The following CNNM2 variants were observed in gnomAD, a reference collection of about 807,000 sequenced individuals.
CNNM2 encodes cyclin and CBS domain divalent metal cation transport mediator 2, also known as metal transporter CNNM2.
A neutral mutation model predicts 66.9 loss-of-function variants in CNNM2; 12 were observed. The observed-to-expected ratio is 0.18, with a 90% CI of 0.11 to 0.29. The LOEUF is 0.29. Ranked by LOEUF, CNNM2 falls within the 10% of genes least tolerant of loss-of-function variation. The pLI, the probability that CNNM2 is intolerant of heterozygous loss-of-function variation, is 1.00. For missense variants in CNNM2, 705 were observed against 1,167.7 expected, an observed-to-expected ratio of 0.60 and a Z score of 5.77; for synonymous variants, 557 against 501.8, an observed-to-expected ratio of 1.11 and a Z score of -1.47.
At chr10:102,926,936 C>T (rs2134161477) in intron 1 of CNNM2, among the ~76,000 whole-genome samples, 1 of 152,020 alleles carries the variant, frequency 6.6e-6, no homozygotes, top group East Asian at 1.9e-4. Context: ...CCAGGCTGAT[C>T]TTGAACTCCT....
chr10:102,920,220 C>T (rs1845571075), intron 1 of CNNM2, 119 bp downstream of exon 1: 5 of 1,599,900 alleles, frequency 3.1e-6, no homozygotes, highest in Middle Eastern at 3.5e-4. Flanking sequence ...TTCTCCTTCT[C>T]CCTCTTAATT....
intron 1 of CNNM2, among the ~76,000 whole-genome samples, chr10:103,020,899 G>T (rs1477391454): frequency 6.6e-6 from 1 of 152,148 alleles, no homozygotes; most frequent in Non-Finnish European, 1.5e-5. Flanking sequence ...CTGGAGAGGG[G>T]ATGTTTGGAA....
chr10:103,057,556 G>A (rs2065316438), intron 4 of CNNM2, among the ~76,000 whole-genome samples: 1 of 152,130 alleles, frequency 6.6e-6, no homozygotes, highest in Non-Finnish European at 1.5e-5. Flanking sequence ...TTTGAAGAGT[G>A]TGGGAGAGTT....
chr10:102,974,037 G>A (rs2063587890), intron 1 of CNNM2, among the ~76,000 whole-genome samples: 1 of 152,182 alleles, frequency 6.6e-6, no homozygotes, highest in African/African-American at 2.4e-5. Context: ...TTGGAACTCT[G>A]GGGTTTTAAG....
intron 6 of CNNM2, among the ~76,000 whole-genome samples, chr10:103,072,438 C>T (rs1019398581): frequency 6.6e-6 from 1 of 151,784 alleles, no homozygotes; most frequent in African/African-American, 2.4e-5. Context: ...ACCAGGCAGG[C>T]GACCCCGCTT....
At chr10:103,060,550 C>T (rs2065367860) in intron 4 of CNNM2, among the ~76,000 whole-genome samples, 1 of 151,860 alleles carries the variant, frequency 6.6e-6, no homozygotes, top group African/African-American at 2.4e-5. Context: ...CATCTCCAAA[C>T]AAAATAAGAT....
chr10:102,922,037 A>AT (rs1341734414), intron 1 of CNNM2, among the ~76,000 whole-genome samples: 5 of 152,118 alleles, frequency 3.3e-5, no homozygotes, highest in African/African-American at 4.8e-5. Flanking sequence ...ACCACTCAGT[A>AT]TTTTTTTGAA....
chr10:102,988,638 C>T lies in CNNM2; in HGVS notation c.1622-61069C>T, dbSNP rs191164006. 4.6e-5 allele frequency among the ~76,000 whole-genome samples: 7 copies of T among 152,244 alleles called. No individual in the cohort carries two copies. The East Asian group carries it at 1.4e-3, about 29-fold the overall frequency. On this transcript the variant is annotated intron_variant, in intron 1 of 7. Transcript: ENST00000369878. ...CCTAGAGCATCCAGGGACCTCAGCT[C>T]ATCATTTGCTAACTTTACCAAATGA...
At chr10:103,013,146 T>C (rs538908983) in intron 1 of CNNM2, among the ~76,000 whole-genome samples, 5 of 152,146 alleles carry the variant, frequency 3.3e-5, no homozygotes, top group Admixed American at 6.5e-5. Context: ...ATATTTAATA[T>C]TTATAAAATG....
intron 1 of CNNM2, among the ~76,000 whole-genome samples, chr10:102,977,602 C>T (rs367559530): frequency 2.6e-5 from 4 of 152,058 alleles, no homozygotes; most frequent in African/African-American, 9.7e-5. Context: ...GGGTGGATCA[C>T]CTGAGGTCAG....
chr10:102,926,308 G>T (rs554784363), intron 1 of CNNM2, among the ~76,000 whole-genome samples: 4 of 152,326 alleles, frequency 2.6e-5, no homozygotes, highest in African/African-American at 9.6e-5. Flanking sequence ...GGTGAGGAGA[G>T]ACCCTAGTTA....
intron 1 of CNNM2, among the ~76,000 whole-genome samples, chr10:102,968,051 G>A (rs775046050): frequency 6.6e-6 from 1 of 152,116 alleles, no homozygotes; most frequent in Admixed American, 6.5e-5. Flanking sequence ...GTCTTTGTGT[G>A]GACATGTTTT....
rs938270721 is a variant in CNNM2, at chr10:103,088,215, A to G, written c.*11035A>G. 5.3e-5 allele frequency: 8 copies of G among 152,352 alleles called. No individual in the cohort carries two copies. The highest frequency in any genetic ancestry group is 2.1e-4 in the South Asian group (1 of 4,822). The allele number at this position is 152,352 out of a possible 1,614,324, so 9.4% of individuals were successfully genotyped here. On this transcript the variant is annotated 3_prime_UTR_variant, in exon 8 of 8. Coordinates refer to ENST00000369878, the MANE Select transcript of CNNM2 (RefSeq NM_017649.5). ...CTAATCTACCCTCCCCTATTGACCA[A>G]TGACAAGAATGGAAGAAAATATACA...
chr10:103,060,689 A>C (rs1448860442), intron 4 of CNNM2, among the ~76,000 whole-genome samples: 1 of 152,214 alleles, frequency 6.6e-6, no homozygotes, highest in Non-Finnish European at 1.5e-5. Context: ...TTTTTTGTAA[A>C]AGAAACATGC....
At chr10:102,952,363 G>C (rs1846871265) in intron 1 of CNNM2, among the ~76,000 whole-genome samples, 1 of 152,090 alleles carries the variant, frequency 6.6e-6, no homozygotes, top group African/African-American at 2.4e-5. Flanking sequence ...AGGAAATCGA[G>C]ACCATCCTGG....
chr10:103,049,846 A>G lies in CNNM2; in HGVS notation c.1761A>G (p.Leu587=), dbSNP rs1259729829. ...IKSEILDETD[L]YTDNRTKKKV... is the part of the protein sequence containing the mutation. The stretch of plus-strand genomic sequence containing the variant: ...CTGAGATTCTTGATGAAACAGATTT[A>G]TACAGTAAGTAGCATTGTCTGAGTG... The change falls in exon 2 of 8, where the codon TTA becomes TTG. Residue 587 remains leucine (L), a synonymous_variant. Coordinates refer to ENST00000369878, the MANE Select transcript of CNNM2 (RefSeq NM_017649.5). The G allele has an allele frequency of 1.2e-6, 2 of 1,613,704 alleles. No individual in the cohort carries two copies. The highest frequency in any genetic ancestry group is 1.7e-6 in the Non-Finnish European group (2 of 1,179,738).
At chr10:102,954,524 A>G (rs1026035433) in intron 1 of CNNM2, among the ~76,000 whole-genome samples, 8 of 152,174 alleles carry the variant, frequency 5.3e-5, no homozygotes, top group Non-Finnish European at 8.8e-5. Context: ...CATGTTTCCT[A>G]TGACATCTCT....
At chr10:102,977,818 G>T (rs1241962297) in intron 1 of CNNM2, among the ~76,000 whole-genome samples, 3 of 152,140 alleles carry the variant, frequency 2.0e-5, no homozygotes, top group Non-Finnish European at 4.4e-5. Flanking sequence ...GAGGAAGTGA[G>T]GAAAGTAGGT....
At chr10:103,036,727 A>G (rs1385504222) in intron 1 of CNNM2, among the ~76,000 whole-genome samples, 1 of 152,204 alleles carries the variant, frequency 6.6e-6, no homozygotes, top group Non-Finnish European at 1.5e-5. Context: ...GTTGCATGTA[A>G]AACAATTTTT....
Sources: allele counts gnomAD v4.1 joint callset (sites outside exome capture counted in the v4.1 genomes callset), GRCh38; gene constraint gnomAD v4.1.1; transcripts MANE v1.5; gene names NCBI Gene and HGNC (gene_info 2026-07-23, HGNC 2026-07-21).